Variants in CIROZ observed in about 807,000 individuals in gnomAD.
CIROZ encodes the protein ciliated left-right organizer ZP-N domains-containing protein.
the CIROZ span, chr1:10,969,962 C>T: frequency 2.0e-6 from 3 of 1,530,736 alleles, no homozygotes; most frequent in African/African-American, 1.4e-5. Context: ...CCACCGACCA[C>T]CTCTTACCTG....
the CIROZ span, among the ~76,000 whole-genome samples, chr1:10,954,444 A>G: frequency 7.0e-6 from 1 of 141,880 alleles, no homozygotes; most frequent in African/African-American, 2.9e-5. Flanking sequence ...ACAGAGCGAG[A>G]CTCTGTCTCA....
chr1:10,974,243 A>G, the CIROZ span, among the ~76,000 whole-genome samples: 1 of 152,072 alleles, frequency 6.6e-6, no homozygotes, highest in African/African-American at 2.4e-5. The surrounding 1 kb of genome is among the most constrained non-coding windows in gnomAD (Gnocchi z 4.4). Context: ...CCATGGACCA[A>G]TCAGCACACA....
the CIROZ span, among the ~76,000 whole-genome samples, chr1:10,980,405 G>C: frequency 6.6e-6 from 1 of 152,252 alleles, no homozygotes; most frequent in African/African-American, 2.4e-5. Context: ...CCCGCCCTGG[G>C]CTCTGCTGCC....
At chr1:10,957,405 C>T in the CIROZ span, among the ~76,000 whole-genome samples, 2 of 152,368 alleles carry the variant, frequency 1.3e-5, no homozygotes, top group East Asian at 1.9e-4. Flanking sequence ...ATGATCAGGA[C>T]GCACTGAATG....
At chr1:10,948,935 G>A in the CIROZ span, 2 of 1,286,536 alleles carry the variant, frequency 1.6e-6, no homozygotes, top group Non-Finnish European at 2.0e-6. Flanking sequence ...CCAAAGATGG[G>A]TTCGAGGGAC....
At chr1:10,958,633 C>T in the CIROZ span, 2 of 1,533,074 alleles carry the variant, frequency 1.3e-6, no homozygotes, top group East Asian at 2.2e-5. Flanking sequence ...CAAAAGCTGC[C>T]TCAGAGCATC....
chr1:10,963,819 G>C, the CIROZ span, among the ~76,000 whole-genome samples: 1 of 152,016 alleles, frequency 6.6e-6, no homozygotes, highest in Non-Finnish European at 1.5e-5. Flanking sequence ...CAATTTTGCA[G>C]CTTTGGTGAT....
chr1:10,947,687 C>A, the CIROZ span: 25 of 1,515,192 alleles, frequency 1.6e-5, no homozygotes, highest in Non-Finnish European at 2.0e-5. Context: ...TCTCAGAAAG[C>A]CCCTCCACAC....
chr1:10,972,658 C>G, the CIROZ span, among the ~76,000 whole-genome samples: 1 of 152,174 alleles, frequency 6.6e-6, no homozygotes, highest in Non-Finnish European at 1.5e-5. Context: ...CTCCAAGACC[C>G]CATTTCCTTT....
the CIROZ span, among the ~76,000 whole-genome samples, chr1:10,963,747 A>C: frequency 6.6e-6 from 1 of 152,160 alleles, no homozygotes; most frequent in Non-Finnish European, 1.5e-5. Context: ...CAAAAAAAAA[A>C]AGCATCCAAA....
the CIROZ span, among the ~76,000 whole-genome samples, chr1:10,967,200 C>T: frequency 3.5e-4 from 53 of 151,090 alleles, no homozygotes; most frequent in African/African-American, 1.2e-3. Flanking sequence ...AAACAAAGCC[C>T]TTGAAAGCCT....
At chr1:10,963,412 C>A in the CIROZ span, among the ~76,000 whole-genome samples, 4 of 151,886 alleles carry the variant, frequency 2.6e-5, no homozygotes, top group Non-Finnish European at 5.9e-5. Flanking sequence ...AACAAACAAA[C>A]AAAAAAACCC....
chr1:10,973,027 T>A, the CIROZ span, among the ~76,000 whole-genome samples: 1 of 152,192 alleles, frequency 6.6e-6, no homozygotes. Context: ...ACGTGATTAA[T>A]GCTGGTGGCC....
the CIROZ span, chr1:10,955,223 C>T: frequency 5.7e-4 from 882 of 1,556,002 alleles, 3 homozygotes; most frequent in African/African-American, 8.3e-3. Context: ...GAAAAAGGCA[C>T]ACTTTGCAGG....
At chr1:10,975,408 A>AC in the CIROZ span, among the ~76,000 whole-genome samples, 1 of 61,466 alleles carries the variant, frequency 1.6e-5, no homozygotes, top group East Asian at 3.5e-4. Context: ...TCTGTCTCAG[A>AC]AAAAAAAAAA....
the CIROZ span, chr1:10,948,744 T>C: frequency 1.3e-6 from 2 of 1,545,542 alleles, no homozygotes; most frequent in South Asian, 2.5e-5. Context: ...TGGGGGAGGC[T>C]GGGGACCTCG....
chr1:10,963,970 G>A, the CIROZ span, among the ~76,000 whole-genome samples: 1 of 152,118 alleles, frequency 6.6e-6, no homozygotes, highest in Non-Finnish European at 1.5e-5. Context: ...ACCCAGGGAT[G>A]TCTAGGAGAA....
the CIROZ span, among the ~76,000 whole-genome samples, chr1:10,972,242 A>G: frequency 6.6e-6 from 1 of 152,200 alleles, no homozygotes; most frequent in African/African-American, 2.4e-5. Flanking sequence ...AGAGAGCTTA[A>G]GTTAAATATA....
chr1:10,970,054 A>G, the CIROZ span: 1 of 1,532,172 alleles, frequency 6.5e-7, no homozygotes, highest in South Asian at 1.2e-5. Context: ...TAGTCTGAGA[A>G]GCACTCAACT....
Sources: gnomAD v4.1 joint callset for allele counts (sites outside exome capture counted in the v4.1 genomes callset) on GRCh38, gnomAD v4.1.1 for gene constraint, Gnocchi (gnomAD v3.1) non-coding constraint, MANE v1.5 for transcripts, NCBI Gene and HGNC (gene_info 2026-07-23, HGNC 2026-07-21) for gene names.